Variants in CCDC198 observed in about 807,000 individuals in gnomAD.
CCDC198 encodes coiled-coil domain containing 198.
Under a neutral mutation model 35.6 loss-of-function variants are expected in CCDC198, and 18 were observed. The ratio of observed to expected loss-of-function variants is 0.51; its 90% CI spans 0.35 to 0.75. The LOEUF is 0.75. Ranked by LOEUF, CCDC198 falls within the 30% of genes least tolerant of loss-of-function variation. CCDC198 has a pLI of 0.01. For synonymous variants in CCDC198, 119 were observed against 113.4 expected (o/e 1.05, Z -0.31); for missense variants, 365 against 343.7 (o/e 1.06, Z -0.49).
chr14:57,479,925 C>G (rs1052416454), intron 5 of CCDC198, among the ~76,000 whole-genome samples: 1 of 152,132 alleles, frequency 6.6e-6, no homozygotes, highest in Non-Finnish European at 1.5e-5. Flanking sequence ...GAGGCTGTAG[C>G]TGGAGCCCTG....
At chr14:57,482,936 T>G (rs2067235690) in intron 3 of CCDC198, 129 bp downstream of exon 3, 2 of 1,295,498 alleles carry the variant, frequency 1.5e-6, no homozygotes, top group Non-Finnish European at 2.2e-6. Context: ...CTGAATGACT[T>G]AACAGTTTGA....
intron 2 of CCDC198, among the ~76,000 whole-genome samples, chr14:57,483,881 G>A (rs2067269613): frequency 6.6e-6 from 1 of 152,210 alleles, no homozygotes; most frequent in Admixed American, 6.5e-5. Context: ...TGTTCCTTCA[G>A]TGACTACTTA....
At chr14:57,479,119 A>G (rs1231190118) in intron 5 of CCDC198, 4 of 993,536 alleles carry the variant, frequency 4.0e-6, no homozygotes, top group African/African-American at 1.7e-5. Context: ...ATTAGAAAGC[A>G]TAGAGCGATC....
At chr14:57,483,653 A>G (rs183409366) in intron 2 of CCDC198, among the ~76,000 whole-genome samples, 3 of 152,288 alleles carry the variant, frequency 2.0e-5, no homozygotes, top group Admixed American at 2.0e-4. Flanking sequence ...GTGCTAACAC[A>G]TTTTAGAGAT....
rs1037347413 is a variant in CCDC198, at chr14:57,475,255, C to T, written c.656-3665G>A. The T allele has an allele frequency of 1.2e-4, 62 of 517,334 alleles. No individual in the cohort carries two copies. In the African/African-American group the frequency reaches 1.5e-3, roughly 13 times the overall value. The allele number at this position is 517,334 out of a possible 1,614,324, so 32.0% of individuals were successfully genotyped here. On this transcript the variant is annotated intron_variant, in intron 5 of 5. Transcript: ENST00000216445. ...CAGCCTGGGCGACAGAGTGAGACTC[C>T]ATCTCAAAATAAATAAATAAATAAA...
chr14:57,487,288 T>C (rs1277566415), intron 2 of CCDC198, among the ~76,000 whole-genome samples: 1 of 152,170 alleles, frequency 6.6e-6, no homozygotes, highest in African/African-American at 2.4e-5. Flanking sequence ...ATCAGCATAA[T>C]CAGTTGAAGC....
intron 2 of CCDC198, among the ~76,000 whole-genome samples, chr14:57,487,917 A>G (rs1186157073): frequency 6.6e-6 from 1 of 152,160 alleles, no homozygotes; most frequent in African/African-American, 2.4e-5. Flanking sequence ...CCAAGTTTCT[A>G]GTGATTTCCC....
rs1196887100 is a variant in CCDC198, at chr14:57,470,654, GTAATC to G, written c.*696_*700del. 7 of 152,318 alleles carry G rather than the reference GTAATC, an allele frequency of 4.6e-5. No individual in the cohort carries two copies. The highest frequency in any genetic ancestry group is 1.4e-4 in the African/African-American group (6 of 41,568). The allele number at this position is 152,318 out of a possible 1,614,324, so 9.4% of individuals were successfully genotyped here. ...CATCCAGCCCATCTATTTGTTTTATGTAATCTAATTTTCTTTTTAAAAACATGGTG... is the reference window on the plus strand; with the variant it reads ...CATCCAGCCCATCTATTTGTTTTATGTAATTTTCTTTTTAAAAACATGGTG... On this transcript the variant is annotated 3_prime_UTR_variant, in exon 6 of 6. Transcript: ENST00000216445.
rs1175158580 is a variant in CCDC198, at chr14:57,475,295, A to G, written c.656-3705T>C. On this transcript the variant is annotated intron_variant, in intron 5 of 5. Coordinates refer to ENST00000216445, the MANE Select transcript of CCDC198 (RefSeq NM_018168.4). ...AAATAAATAAATAAATAAATAAATA[A>G]ATAAAATCTATAAAAAAATAAAATA... The G allele has an allele frequency of 1.8e-5, 14 of 790,604 alleles. No individual in the cohort carries two copies. The Admixed American group carries it at 8.8e-4, about 50-fold the overall frequency. 49.0% of individuals were successfully genotyped at this position (790,604 alleles called of 1,614,324 possible).
At chr14:57,488,582 TC>T (rs2067450717) in intron 2 of CCDC198, among the ~76,000 whole-genome samples, 1 of 151,934 alleles carries the variant, frequency 6.6e-6, no homozygotes, top group Non-Finnish European at 1.5e-5. Context: ...TAAGACATAG[TC>T]TTTGCAACCT....
intron 2 of CCDC198, among the ~76,000 whole-genome samples, chr14:57,488,170 G>GA (rs1278208521): frequency 1.3e-5 from 2 of 152,154 alleles, no homozygotes; most frequent in Non-Finnish European, 1.5e-5. Context: ...CTGAAGAACA[G>GA]AAAAAACTGA....
At chr14:57,489,932 A>G (rs1180500365) in intron 2 of CCDC198, among the ~76,000 whole-genome samples, 6 of 152,110 alleles carry the variant, frequency 3.9e-5, no homozygotes, top group African/African-American at 1.4e-4. Context: ...TGTAAATTAG[A>G]TATTAATTTG....
At chr14:57,476,353 T>A (rs1018201896) in intron 5 of CCDC198, among the ~76,000 whole-genome samples, 1 of 152,188 alleles carries the variant, frequency 6.6e-6, no homozygotes, top group Non-Finnish European at 1.5e-5. Context: ...AAAAGGTCCC[T>A]GCCTTCATGG....
intron 2 of CCDC198, among the ~76,000 whole-genome samples, chr14:57,488,902 G>A (rs2067462377): frequency 6.6e-6 from 1 of 152,234 alleles, no homozygotes; most frequent in Non-Finnish European, 1.5e-5. Context: ...CGGAGAAAAA[G>A]GAATGCTTTT....
chr14:57,477,465 G>A (rs533322065), intron 5 of CCDC198, among the ~76,000 whole-genome samples: 16 of 149,160 alleles, frequency 1.1e-4, no homozygotes, highest in African/African-American at 3.8e-4. Flanking sequence ...CATTTTCTAG[G>A]CTCATTTTGT....
chr14:57,492,101 A>T (rs548536721), intron 1 of CCDC198, among the ~76,000 whole-genome samples: 1 of 152,016 alleles, frequency 6.6e-6, no homozygotes, highest in African/African-American at 2.4e-5. Context: ...TATTTTAGTG[A>T]CATTACTCCA....
At position 57,481,665 on chromosome 14, in the gene CCDC198, G is replaced by A. The variant is rs769730345; in HGVS notation, c.394-5C>T. On this transcript the variant is annotated splice_region_variant and splice_polypyrimidine_tract_variant and intron_variant, in intron 3 of 5. Coordinates refer to ENST00000216445, the MANE Select transcript of CCDC198 (RefSeq NM_018168.4). ...CATTTTCTTTTCTAGTACCTGCTAT[G>A]AAAGACAACACACTTGTTAGTATGG... 27 of 1,543,324 alleles carry A rather than the reference G, an allele frequency of 1.7e-5. No individual in the cohort carries two copies. The highest frequency in any genetic ancestry group is 2.0e-4 in the Middle Eastern group (1 of 4,934).
At chr14:57,478,688 C>T (rs1152526) in intron 5 of CCDC198, 981,387 of 999,460 alleles carry the variant, frequency 0.98, 484,120 homozygotes, top group East Asian at 1. Flanking sequence ...TTTTAAGGTA[C>T]GGTTTAAATG....
Position 57,480,582 on chromosome 14 carries a change from G to T in CCDC198, c.655+13C>A, listed in dbSNP as rs754779593. ...ACTTGAAATGTTTTACTAAAAAATT[G>T]TACATGACTCACCGGGACCTCTGTT... On this transcript the variant is annotated intron_variant, in intron 5 of 5. Coordinates refer to ENST00000216445, the MANE Select transcript of CCDC198 (RefSeq NM_018168.4). The T allele has an allele frequency of 2.5e-6, 4 of 1,611,794 alleles. No individual in the cohort carries two copies. In the East Asian group the frequency reaches 8.9e-5, roughly 36 times the overall value.
Sources: gnomAD v4.1 joint callset for allele counts (sites outside exome capture counted in the v4.1 genomes callset) on GRCh38, gnomAD v4.1.1 for gene constraint, MANE v1.5 for transcripts, NCBI Gene and HGNC (gene_info 2026-07-23, HGNC 2026-07-21) for gene names.